PRKAG2: variants seen among roughly 807,000 people sequenced by gnomAD.
PRKAG2 encodes protein kinase AMP-activated non-catalytic subunit gamma 2, also known as 5'-AMP-activated protein kinase subunit gamma-2.
PRKAG2 carries 26 observed loss-of-function variants against 69.6 expected under a neutral mutation model. The observed-to-expected ratio is 0.37, with a 90% CI of 0.27 to 0.52. The LOEUF is 0.52. PRKAG2 is among the 20% of genes least tolerant of loss of function. PRKAG2 has a pLI of 0.90. For synonymous variants in PRKAG2, 293 were observed against 285.0 expected (o/e 1.03, Z -0.28); for missense variants, 557 against 740.0 (o/e 0.75, Z 2.87).
intron 3 of PRKAG2, among the ~76,000 whole-genome samples, chr7:151,694,674 C>T (rs1186242136): frequency 1.3e-5 from 2 of 152,254 alleles, no homozygotes; most frequent in Non-Finnish European, 2.9e-5. Flanking sequence ...CTACACACAG[C>T]ACGGAGGGCT....
At chr7:151,672,774 C>T (rs1280103158) in intron 4 of PRKAG2, among the ~76,000 whole-genome samples, 8 of 152,090 alleles carry the variant, frequency 5.3e-5, no homozygotes, top group Admixed American at 2.0e-4. Flanking sequence ...TATCCATTCA[C>T]GACATTTGGA....
In PRKAG2 at chr7:151,730,665, C is replaced by T. The variant is rs185551474; in HGVS notation, c.466+50487G>A. ...GAGGACTATGAGGGGTGAGGAGGAG[C>T]AGGGGGGCTGGATGGGGGCGGGAGA... On this transcript the variant is annotated intron_variant, in intron 3 of 15. Coordinates refer to ENST00000287878, the MANE Select transcript of PRKAG2 (RefSeq NM_016203.4). 4.1e-3 allele frequency among the ~76,000 whole-genome samples: 616 copies of T among 151,422 alleles called. 3 individuals carry two copies. Among genetic ancestry groups the T allele is most frequent in the African/African-American group, 0.014 (569 of 41,218 alleles).
chr7:151,667,456 G>A (rs771872367), intron 4 of PRKAG2, among the ~76,000 whole-genome samples: 1 of 152,218 alleles, frequency 6.6e-6, no homozygotes, highest in Non-Finnish European at 1.5e-5. Context: ...TTGAAACCAA[G>A]TGATAAGGTA....
chr7:151,698,935 C>T (rs1837192969), intron 3 of PRKAG2, among the ~76,000 whole-genome samples: 1 of 152,154 alleles, frequency 6.6e-6, no homozygotes, highest in African/African-American at 2.4e-5. Flanking sequence ...CCTGAGATGC[C>T]ACGTGGAACC....
chr7:151,726,445 C>T (rs2536068), intron 3 of PRKAG2, among the ~76,000 whole-genome samples: 29,325 of 151,570 alleles, frequency 0.19, 3,023 homozygotes, highest in South Asian at 0.4. Flanking sequence ...ACTATGGCTG[C>T]GTGCGTACCC....
At chr7:151,661,651 C>G (rs1050767064) in intron 4 of PRKAG2, among the ~76,000 whole-genome samples, 13 of 152,164 alleles carry the variant, frequency 8.5e-5, no homozygotes, top group African/African-American at 2.9e-4. Flanking sequence ...AATAATAATG[C>G]TTTAGAGTCC....
At chr7:151,560,035 ACT>A in intron 15 of PRKAG2, 25 of 985,290 alleles carry the variant, frequency 2.5e-5, no homozygotes, top group Non-Finnish European at 3.0e-5. Flanking sequence ...GTTTAACCAC[ACT>A]CTATCTGAAA....
At chr7:151,623,228 G>T (rs186992527) in intron 5 of PRKAG2, among the ~76,000 whole-genome samples, 2 of 152,058 alleles carry the variant, frequency 1.3e-5, no homozygotes, top group East Asian at 3.9e-4. Context: ...GTTGGGCATG[G>T]TGGCAAGTGT....
intron 1 of PRKAG2, chr7:151,806,969 TG>T (rs2078140827): frequency 2.2e-6 from 1 of 453,756 alleles, no homozygotes; most frequent in Non-Finnish European, 4.4e-6. Flanking sequence ...GGCCTCCTAA[TG>T]TACTCATTTA....
At chr7:151,693,667 A>C (rs148778007) in intron 3 of PRKAG2, among the ~76,000 whole-genome samples, 1 of 152,276 alleles carries the variant, frequency 6.6e-6, no homozygotes, top group African/African-American at 2.4e-5. Flanking sequence ...TCTACCCGCA[A>C]GGTGATGGTG....
intron 5 of PRKAG2, among the ~76,000 whole-genome samples, chr7:151,607,939 G>A (rs1004439135): frequency 3.9e-5 from 6 of 152,178 alleles, no homozygotes; most frequent in Non-Finnish European, 8.8e-5. Context: ...AAGGGTCTCT[G>A]CAGATGTAAC....
chr7:151,714,572 A>G (rs190146210), intron 3 of PRKAG2, among the ~76,000 whole-genome samples: 56 of 152,346 alleles, frequency 3.7e-4, no homozygotes, highest in Non-Finnish European at 1.8e-4. Context: ...TGGTGAACAG[A>G]GAAAAAAACT....
At chr7:151,867,008 G>A (rs1331739416) in intron 1 of PRKAG2, among the ~76,000 whole-genome samples, 2 of 152,174 alleles carry the variant, frequency 1.3e-5, no homozygotes, top group Non-Finnish European at 2.9e-5. Flanking sequence ...CGTTACGTTG[G>A]TTTTCTCACA....
Position 151,771,169 on chromosome 7 carries a change from G to A in PRKAG2, c.466+9983C>T, listed in dbSNP as rs1014444908. 1.3e-5 allele frequency among the ~76,000 whole-genome samples: 2 copies of A among 152,152 alleles called. No individual in the cohort carries two copies. Among genetic ancestry groups the A allele is most frequent in the Non-Finnish European group, 2.9e-5 (2 of 68,036 alleles). On this transcript the variant is annotated intron_variant, in intron 3 of 15. Coordinates refer to ENST00000287878, the MANE Select transcript of PRKAG2 (RefSeq NM_016203.4). This position sits in a 1 kb window ranked among gnomAD's most constrained non-coding sequence, Gnocchi z 4.0. ...AACATAGAAAGTAATCTCATTACAT[G>A]CATGATTTTTACCCTATCTTCATTC...
Position 151,557,212 on chromosome 7 carries a change from C to A in PRKAG2, c.1699G>T (p.Glu567Ter). The change falls in exon 16 of 16, where the codon GAA (glutamate) becomes TAA (stop). Residue 567 changes from glutamate (E) to a stop codon, truncating the protein, a stop_gained. Transcript: ENST00000287878. LOFTEE classifies it high-confidence loss of function. ...TACATTCACGGCGGTCACTCCGTTTCTGTCTCCTTTTGTTTGGCACCTGTC... is the reference window on the plus strand; with the variant it reads ...TACATTCACGGCGGTCACTCCGTTTATGTCTCCTTTTGTTTGGCACCTGTC... ...TPAGAKQKET[E>*]TE The A allele has an allele frequency of 6.2e-7, 1 of 1,614,180 alleles. No individual in the cohort carries two copies. The highest frequency in any genetic ancestry group is 8.5e-7 in the Non-Finnish European group (1 of 1,180,016).
At chr7:151,607,716 G>A (rs1429296339) in intron 5 of PRKAG2, among the ~76,000 whole-genome samples, 2 of 152,132 alleles carry the variant, frequency 1.3e-5, no homozygotes, top group Non-Finnish European at 2.9e-5. Context: ...TCAAAGGAAG[G>A]GTTTGAACTT....
intron 3 of PRKAG2, among the ~76,000 whole-genome samples, chr7:151,727,147 G>A (rs961444038): frequency 1.3e-5 from 2 of 152,070 alleles, no homozygotes; most frequent in Non-Finnish European, 2.9e-5. Context: ...CCCAGCAGGC[G>A]GAGGTTACAG....
intron 3 of PRKAG2, among the ~76,000 whole-genome samples, chr7:151,764,781 G>A (rs1290751843): frequency 6.6e-6 from 1 of 152,234 alleles, no homozygotes; most frequent in Non-Finnish European, 1.5e-5. Flanking sequence ...AGGACGTGGG[G>A]GCAGGGCCAG....
rs569251431 is a variant in PRKAG2, at chr7:151,736,273, G to A, written c.466+44879C>T. On this transcript the variant is annotated intron_variant, in intron 3 of 15. Coordinates refer to ENST00000287878, the MANE Select transcript of PRKAG2 (RefSeq NM_016203.4). Reference sequence around the variant, plus strand: ...CACCTCCGGCCACAGCAGCTGGAGCGTCAGCCCGGCTGTCCTTAAGTAGCA... The same window carrying A: ...CACCTCCGGCCACAGCAGCTGGAGCATCAGCCCGGCTGTCCTTAAGTAGCA... The A allele has an allele frequency of 2.6e-4, 338 of 1,294,058 alleles. 1 individual carries two copies. The South Asian group carries it at 6.2e-3, about 24-fold the overall frequency. 80.2% of individuals were successfully genotyped at this position (1,294,058 alleles called of 1,614,324 possible).
Sources: gnomAD v4.1 joint callset for allele counts (sites outside exome capture counted in the v4.1 genomes callset) on GRCh38, gnomAD v4.1.1 for gene constraint, Gnocchi (gnomAD v3.1) non-coding constraint, MANE v1.5 for transcripts, NCBI Gene and HGNC (gene_info 2026-07-23, HGNC 2026-07-21) for gene names.